Variants in DNAH17 observed in about 807,000 individuals in gnomAD.
DNAH17 encodes dynein axonemal heavy chain 17.
A neutral mutation model predicts 485.6 loss-of-function variants in DNAH17; 376 were observed. That is an observed-to-expected ratio of 0.77 (90% CI 0.71 to 0.84). DNAH17 has a LOEUF of 0.84. Ranked by LOEUF, DNAH17 falls within the 40% of genes least tolerant of loss-of-function variation. DNAH17 has a pLI of 0.00. For synonymous variants in DNAH17, 3,031 were observed against 2,405.9 expected (o/e 1.26, Z -7.60); for missense variants, 6,370 against 5,839.3 (o/e 1.09, Z -2.96).
intron 16 of DNAH17, among the ~76,000 whole-genome samples, chr17:78,545,974 ATTT>A (rs58000479): frequency 3.3e-5 from 5 of 150,218 alleles, no homozygotes; most frequent in Admixed American, 6.6e-5. Context: ...ACCATTTGAA[ATTT>A]TTTTTTTTTT....
chr17:78,480,783 A>T lies in DNAH17; in HGVS notation c.7653T>A (p.Tyr2551Ter). 6.2e-7 allele frequency: 1 copy of T among 1,611,540 alleles called. No individual in the cohort carries two copies. The highest frequency in any genetic ancestry group is 8.5e-7 in the Non-Finnish European group (1 of 1,178,750). Residue 2551 changes from tyrosine to a stop codon, truncating the protein, a stop_gained, in exon 49 of 81, where the codon TAT becomes TAA. Coordinates refer to ENST00000389840, the MANE Select transcript of DNAH17 (RefSeq NM_173628.4). LOFTEE classifies it high-confidence loss of function. The stretch of plus-strand genomic sequence containing the variant: ...CTTTTAACGTCAGCTTATGTCTGTC[A>T]TACCTGAGGGGGGAAACCAGCATTC... ...IRQHMDHRHW[Y>*]DRHKLTLKDI... is the part of the protein sequence containing the mutation.
chr17:78,563,965 A>G lies in DNAH17; in HGVS notation c.1570-1985T>C, dbSNP rs149475696. On this transcript the variant is annotated intron_variant, in intron 11 of 80. Transcript: ENST00000389840. ...AAATTGAGCATAAACATACGTGAAA[A>G]TTTTTAAAAAGAGATCTTTCTTTTA... Among the ~76,000 whole-genome samples, 119 of 152,180 alleles carry G rather than the reference A, an allele frequency of 7.8e-4. 1 individual carries two copies. The East Asian group carries it at 0.022, about 28-fold the overall frequency.
At position 78,561,827 on chromosome 17, in the gene DNAH17, T is replaced by A. The variant is rs759076472; in HGVS notation, c.1723A>T (p.Ile575Phe). 2.5e-6 allele frequency: 4 copies of A among 1,613,924 alleles called. No individual in the cohort carries two copies. The highest frequency in any genetic ancestry group is 3.4e-6 in the Non-Finnish European group (4 of 1,179,864). ...GGCATGTTTTTGTGGATCAGGGGGATGTTCCCCTCCTCGGAGGCCGCCATC... is the reference window on the plus strand; with the variant it reads ...GGCATGTTTTTGTGGATCAGGGGGAAGTTCCCCTCCTCGGAGGCCGCCATC... Reference protein sequence around the residue: ...AQMAASEEGNIPLIHKNMPPV... With the variant: ...AQMAASEEGNFPLIHKNMPPV... The change falls in exon 12 of 81, where the codon ATC (isoleucine) becomes TTC (phenylalanine). Residue 575 changes from isoleucine to phenylalanine, a missense_variant. Transcript: ENST00000389840.
intron 77 of DNAH17, among the ~76,000 whole-genome samples, chr17:78,427,321 C>T (rs937613392): frequency 6.6e-6 from 1 of 152,240 alleles, no homozygotes; most frequent in Non-Finnish European, 1.5e-5. Context: ...ATTCTGATCT[C>T]ACTACAAGTC....
chr17:78,501,437 G>T, intron 34 of DNAH17, 93 bp from the exon 35 acceptor site: 1 of 1,444,106 alleles, frequency 6.9e-7, no homozygotes, highest in Non-Finnish European at 9.2e-7. Flanking sequence ...CCGGTCCCCT[G>T]CTGCCCAGGG....
chr17:78,460,951 G>A (rs1315815123), intron 58 of DNAH17, among the ~76,000 whole-genome samples: 1 of 152,130 alleles, frequency 6.6e-6, no homozygotes, highest in Non-Finnish European at 1.5e-5. Context: ...ATGTAGGACT[G>A]ATGACAAAAA....
intron 19 of DNAH17, chr17:78,532,953 T>G: frequency 1.9e-6 from 1 of 517,310 alleles, no homozygotes; most frequent in Non-Finnish European, 3.5e-6. Context: ...ATGCCAAACT[T>G]AGTGGATAGC....
chr17:78,532,214 A>G (rs2091259461), intron 20 of DNAH17, among the ~76,000 whole-genome samples: 1 of 151,896 alleles, frequency 6.6e-6, no homozygotes, highest in Admixed American at 6.6e-5. Flanking sequence ...AAGGCTCTTT[A>G]TTTTCCCCAC....
intron 38 of DNAH17, 29 bp from the exon 39 acceptor site, chr17:78,495,126 T>G: frequency 6.4e-7 from 1 of 1,571,388 alleles, no homozygotes; most frequent in Middle Eastern, 2.0e-4. Flanking sequence ...CCTGTGGGCT[T>G]CTGCCCACTC....
At chr17:78,469,920 G>A (rs2088666522) in intron 54 of DNAH17, among the ~76,000 whole-genome samples, 1 of 152,216 alleles carries the variant, frequency 6.6e-6, no homozygotes, top group African/African-American at 2.4e-5. Flanking sequence ...GGCGGGGCTG[G>A]GGGAATGGGG....
In DNAH17 at chr17:78,532,709, T is replaced by C. The variant is rs779833616; in HGVS notation, c.2887A>G (p.Ile963Val). ...CTGGACACCTCCTCCCTCATCTCTATGAGGTCTGTGTTATCTTCCAGGTCC... is the reference window on the plus strand; with the variant it reads ...CTGGACACCTCCTCCCTCATCTCTACGAGGTCTGTGTTATCTTCCAGGTCC... ...KMDLEDNTDL[I>V]EMREEVSSLV... The change falls in exon 20 of 81, where the codon ATA becomes GTA. Residue 963 changes from isoleucine (I) to valine (V), a missense_variant. Ile to Val is a conservative substitution (Grantham distance 29, BLOSUM62 3). Coordinates refer to ENST00000389840, the MANE Select transcript of DNAH17 (RefSeq NM_173628.4). 66 of 1,591,566 alleles carry C rather than the reference T, an allele frequency of 4.1e-5. No individual in the cohort carries two copies. Among genetic ancestry groups the C allele is most frequent in the Non-Finnish European group, 5.6e-5 (65 of 1,167,372 alleles).
intron 8 of DNAH17, 36 bp from the exon 9 acceptor site, chr17:78,569,288 C>G: frequency 1.9e-6 from 3 of 1,596,176 alleles, no homozygotes; most frequent in Non-Finnish European, 2.6e-6. Context: ...GCCACGTTTG[C>G]TTCAAATGTC....
chr17:78,491,520 G>A lies in DNAH17; in HGVS notation c.6592C>T (p.Pro2198Ser), dbSNP rs773287756. Residue 2198 changes from proline to serine, a missense_variant, in exon 43 of 81, where the codon CCC (proline) becomes TCC (serine). By Grantham distance (74) the Pro-to-Ser change is moderately conservative. Coordinates refer to ENST00000389840, the MANE Select transcript of DNAH17 (RefSeq NM_173628.4). ...RDLANITHDGPKWIILDGDID... is the reference protein window; with the variant it reads ...RDLANITHDGSKWIILDGDID... ...TCTCCGTCAAGGATGATCCACTTGG[G>A]GCCGTCATGGGTGATGTTGGCCAGG... The A allele has an allele frequency of 5.0e-6, 8 of 1,613,914 alleles. No individual in the cohort carries two copies. Among genetic ancestry groups the A allele is most frequent in the South Asian group, 1.1e-5 (1 of 90,986 alleles).
At chr17:78,426,669 T>C (rs1212774962) in intron 78 of DNAH17, 69 bp from the exon 79 acceptor site, 1 of 1,524,102 alleles carries the variant, frequency 6.6e-7, no homozygotes, top group African/African-American at 1.4e-5. Context: ...CCCCAGTGCG[T>C]GTCATGAGTT....
At chr17:78,484,740 C>CCCCCCTGCCG in intron 48 of DNAH17, 128 bp downstream of exon 48, 1 of 332,058 alleles carries the variant, frequency 3.0e-6, no homozygotes, top group Non-Finnish European at 4.8e-6. Context: ...CGTTGCAGCA[C>CCCCCCTGCCG]CCCCCCCACC....
rs543119926 is a variant in DNAH17 at position 78,569,364 on chromosome 17, G to C, written c.1197+11C>G. ...TCCTGCCTTGGCCCTCGCCCTGCGA[G>C]GAAGGGGTACCTTAAAGAAAAGCTT... On this transcript the variant is annotated intron_variant, in intron 8 of 80. Transcript: ENST00000389840. 1 of 1,612,572 alleles carries C rather than the reference G, an allele frequency of 6.2e-7. No homozygotes were observed. Among genetic ancestry groups the C allele is most frequent in the Non-Finnish European group, 8.5e-7 (1 of 1,179,234 alleles).
In DNAH17 at chr17:78,515,194, G is replaced by A. The variant is rs116640149; in HGVS notation, c.3865-172C>T. ...AGATACAAGAAAAAACAACCGTGGC[G>A]TCACAAAAGGTAAGATTTAAAAGTT... On this transcript the variant is annotated intron_variant, in intron 25 of 80. Coordinates refer to ENST00000389840, the MANE Select transcript of DNAH17 (RefSeq NM_173628.4). 5.6e-3 allele frequency among the ~76,000 whole-genome samples: 854 copies of A among 152,266 alleles called. 11 individuals are homozygous for A. Among genetic ancestry groups the A allele is most frequent in the African/African-American group, 0.019 (807 of 41,548 alleles).
intron 58 of DNAH17, 117 bp from the exon 59 acceptor site, chr17:78,460,374 G>T: frequency 1.4e-6 from 1 of 697,816 alleles, no homozygotes. Context: ...ACGTGCATGA[G>T]TGTATGTGTG....
Position 78,468,610 on chromosome 17 carries a change from G to GC in DNAH17, c.8778+6dup, listed in dbSNP as rs1204036432. The GC allele has an allele frequency of 1.2e-6, 2 of 1,610,042 alleles. No individual in the cohort carries two copies. Among genetic ancestry groups the GC allele is most frequent in the Admixed American group, 3.4e-5 (2 of 59,628 alleles). On this transcript the variant is annotated splice_region_variant and intron_variant, in intron 55 of 80. Transcript: ENST00000389840. ...TCTTGAGGCCCTGCCGAAGACGGGAGCCCCACCTTGAGCTGTCTGCGCACT... is the reference window on the plus strand; with the variant it reads ...TCTTGAGGCCCTGCCGAAGACGGGAGCCCCCACCTTGAGCTGTCTGCGCACT...
Sources: allele counts gnomAD v4.1 joint callset (sites outside exome capture counted in the v4.1 genomes callset), GRCh38; gene constraint gnomAD v4.1.1; transcripts MANE v1.5; gene names NCBI Gene and HGNC (gene_info 2026-07-23, HGNC 2026-07-21).